The following CIROP variants were observed in gnomAD, a reference collection of about 807,000 sequenced individuals.
The protein encoded by CIROP is ciliated left-right organizer metallopeptidase.
chr14:23,104,890 GCA>G, the CIROP span: 14 of 475,520 alleles, frequency 2.9e-5, no homozygotes, highest in South Asian at 9.4e-5. Context: ...AGTGGCGGCA[GCA>G]GCAGCAGCAG....
chr14:23,101,197 A>G, the CIROP span: 1 of 417,316 alleles, frequency 2.4e-6, no homozygotes. Flanking sequence ...GGAAAACTGT[A>G]TGCACATCAA....
chr14:23,104,885 C>A, the CIROP span: 1 of 648,106 alleles, frequency 1.5e-6, no homozygotes, highest in Non-Finnish European at 2.8e-6. Context: ...GGACTAGTGG[C>A]GGCAGCAGCA....
chr14:23,101,628 A>G, the CIROP span: 191 of 702,830 alleles, frequency 2.7e-4, no homozygotes, highest in Admixed American at 2.8e-4. Flanking sequence ...ACTGCCTTCC[A>G]GACCCACTCA....
the CIROP span, chr14:23,102,562 C>T: frequency 2.0e-5 from 14 of 701,778 alleles, no homozygotes; most frequent in Middle Eastern, 2.3e-4. Flanking sequence ...GAAGGAAGGA[C>T]GTTATGAGAT....
the CIROP span, chr14:23,104,507 C>T: frequency 1.4e-6 from 1 of 702,950 alleles, no homozygotes; most frequent in Non-Finnish European, 2.6e-6. Context: ...TCTCCCATAT[C>T]TTGGAATTCC....
At chr14:23,104,313 G>C in the CIROP span, 1 of 696,588 alleles carries the variant, frequency 1.4e-6, no homozygotes, top group South Asian at 1.5e-5. Flanking sequence ...ATGAAGATCT[G>C]TAGGTGAGCT....
chr14:23,103,067 G>C, the CIROP span: 1 of 512,444 alleles, frequency 2.0e-6, no homozygotes, highest in Non-Finnish European at 3.4e-6. Flanking sequence ...GATGGGCCAG[G>C]ACAGGGTAGG....
At chr14:23,103,212 TA>T in the CIROP span, 1 of 419,538 alleles carries the variant, frequency 2.4e-6, no homozygotes, top group Non-Finnish European at 4.2e-6. Context: ...ACCCAAACGT[TA>T]CTAGCATTCC....
chr14:23,101,437 G>A, the CIROP span: 6 of 599,756 alleles, frequency 1.0e-5, no homozygotes, highest in African/African-American at 1.1e-4. Flanking sequence ...AGGATGCCTG[G>A]GCTTATCCCC....
At chr14:23,100,430 A>C in the CIROP span, 1 of 412,670 alleles carries the variant, frequency 2.4e-6, no homozygotes, top group Admixed American at 4.4e-5. Context: ...CACGTGAGTG[A>C]GTGCTTAATA....
chr14:23,104,940 G>A, the CIROP span: 59 of 678,502 alleles, frequency 8.7e-5, no homozygotes, highest in Admixed American at 9.8e-4. Flanking sequence ...GTGTCTCTCC[G>A]TAGATACAGC....
the CIROP span, chr14:23,102,743 G>C: frequency 1.4e-6 from 1 of 702,864 alleles, no homozygotes; most frequent in Non-Finnish European, 2.6e-6. Flanking sequence ...CAGTAAGGGG[G>C]CCGAATTTGC....
the CIROP span, chr14:23,103,412 G>C: frequency 9.9e-6 from 4 of 402,538 alleles, no homozygotes; most frequent in Admixed American, 1.3e-4. Context: ...AAATTAGCCG[G>C]ACATGGTGGT....
chr14:23,101,765 A>T, the CIROP span: 1 of 702,748 alleles, frequency 1.4e-6, no homozygotes. Flanking sequence ...AGCCCAGCCC[A>T]CTGTGTGGAA....
the CIROP span, chr14:23,103,542 A>AGACT: frequency 3.3e-6 from 2 of 604,890 alleles, no homozygotes; most frequent in Non-Finnish European, 5.9e-6. Context: ...CAACAGAGTG[A>AGACT]GACTGTCTGA....
chr14:23,100,782 A>G, the CIROP span: 1 of 398,910 alleles, frequency 2.5e-6, no homozygotes, highest in Non-Finnish European at 4.4e-6. Flanking sequence ...AAGTCTTCAG[A>G]GGAGAGTCAT....
chr14:23,104,519 G>T, the CIROP span: 1 of 702,788 alleles, frequency 1.4e-6, no homozygotes, highest in African/African-American at 1.7e-5. Context: ...TGGAATTCCA[G>T]TTCTCTTTCT....
the CIROP span, chr14:23,099,225 C>A: frequency 2.4e-6 from 1 of 413,074 alleles, no homozygotes; most frequent in East Asian, 3.6e-5. Flanking sequence ...ATTTTCCATC[C>A]AGTTGTCTCA....
chr14:23,102,213 CA>C, the CIROP span: 3 of 702,894 alleles, frequency 4.3e-6, no homozygotes, highest in Non-Finnish European at 7.8e-6. Context: ...AGGTAGCAGT[CA>C]TTAAAGAACC....
Sources: gnomAD v4.1 joint callset for allele counts on GRCh38, gnomAD v4.1.1 for gene constraint, MANE v1.5 for transcripts, NCBI Gene and HGNC (gene_info 2026-07-23, HGNC 2026-07-21) for gene names.